Variants in UNC80 observed in about 807,000 individuals in gnomAD.
UNC80 encodes the protein protein unc-80 homolog.
In UNC80, 164 loss-of-function variants were observed where a neutral mutation model predicts 384.6. The observed-to-expected ratio is 0.43, with a 90% CI of 0.38 to 0.49. The LOEUF (loss-of-function observed/expected upper bound fraction) is 0.49. Ranked by LOEUF, UNC80 falls within the 20% of genes least tolerant of loss-of-function variation. The probability of loss-of-function intolerance (pLI) is 0.00; values close to 1 mark genes in which losing one functional copy is unlikely to be tolerated. For missense variants in UNC80, 3,330 were observed against 4,143.0 expected, an observed-to-expected ratio of 0.80 and a Z score of 5.39; for synonymous variants, 1,486 against 1,527.8, an observed-to-expected ratio of 0.97 and a Z score of 0.64.
chr2:209,910,881 G>A (rs572279166), intron 29 of UNC80, among the ~76,000 whole-genome samples: 2 of 152,064 alleles, frequency 1.3e-5, no homozygotes, highest in South Asian at 4.1e-4. Flanking sequence ...TTAAAATTGT[G>A]TGCCACACAT....
intron 23 of UNC80, among the ~76,000 whole-genome samples, chr2:209,876,300 T>C (rs1411508894): frequency 6.6e-6 from 1 of 152,172 alleles, no homozygotes; most frequent in Non-Finnish European, 1.5e-5. Flanking sequence ...CCAAGGCACA[T>C]TAAACAAAGG....
intron 31 of UNC80, among the ~76,000 whole-genome samples, chr2:209,917,084 G>C (rs1281158875): frequency 6.6e-6 from 1 of 152,192 alleles, no homozygotes; most frequent in African/African-American, 2.4e-5. Flanking sequence ...TAAGCACATT[G>C]TTAGGATCTG....
chr2:209,905,292 G>A (rs1173874262), intron 29 of UNC80, among the ~76,000 whole-genome samples: 6 of 152,156 alleles, frequency 3.9e-5, no homozygotes, highest in Admixed American at 3.3e-4. Flanking sequence ...TCTGGAAATT[G>A]TGAATATCTT....
At chr2:209,803,489 T>C (rs1311516381) in intron 7 of UNC80, among the ~76,000 whole-genome samples, 5 of 152,228 alleles carry the variant, frequency 3.3e-5, no homozygotes, top group Admixed American at 6.5e-5. Flanking sequence ...TGGATATCTA[T>C]GTGTACAAAA....
intron 42 of UNC80, among the ~76,000 whole-genome samples, chr2:209,938,584 T>C: frequency 6.6e-6 from 1 of 151,788 alleles, no homozygotes; most frequent in East Asian, 1.9e-4. Flanking sequence ...TATAAACAAT[T>C]CCTAAAACAA....
intron 61 of UNC80, among the ~76,000 whole-genome samples, chr2:209,986,057 A>G (rs1209476211): frequency 6.6e-6 from 1 of 152,218 alleles, no homozygotes; most frequent in African/African-American, 2.4e-5. Flanking sequence ...TGCAGAATGC[A>G]GACTTAATTC....
chr2:209,803,209 G>T (rs1447374406), intron 7 of UNC80, among the ~76,000 whole-genome samples: 3 of 152,146 alleles, frequency 2.0e-5, no homozygotes, highest in African/African-American at 7.2e-5. Flanking sequence ...GCACTCAAGA[G>T]AAGATGATAA....
At chr2:209,781,803 T>C (rs1011821493) in intron 4 of UNC80, among the ~76,000 whole-genome samples, 1 of 152,208 alleles carries the variant, frequency 6.6e-6, no homozygotes, top group Non-Finnish European at 1.5e-5. Context: ...TATCTTTGCC[T>C]CTAGAACAAA....
intron 25 of UNC80, among the ~76,000 whole-genome samples, chr2:209,884,127 G>A (rs1167151379): frequency 1.3e-5 from 2 of 152,126 alleles, no homozygotes; most frequent in Non-Finnish European, 2.9e-5. Context: ...GTCTAAAACA[G>A]CATAAGCAAA....
intron 51 of UNC80, among the ~76,000 whole-genome samples, chr2:209,966,057 A>G (rs1403319778): frequency 6.6e-6 from 1 of 152,064 alleles, no homozygotes; most frequent in Non-Finnish European, 1.5e-5. Context: ...ATGCATTCCT[A>G]GGTAACATTA....
chr2:209,931,097 G>A, intron 38 of UNC80, 43 bp downstream of exon 38: 6 of 1,391,794 alleles, frequency 4.3e-6, no homozygotes, highest in Non-Finnish European at 5.9e-6. Context: ...GCAGCACCAT[G>A]ATGAAAAGGT....
chr2:209,772,419 G>A (rs2076626453), intron 1 of UNC80, among the ~76,000 whole-genome samples: 1 of 152,032 alleles, frequency 6.6e-6, no homozygotes, highest in Non-Finnish European at 1.5e-5. Context: ...TATTTTAGGG[G>A]GTGGGAGGGC....
intron 25 of UNC80, among the ~76,000 whole-genome samples, chr2:209,882,471 A>T (rs938293978): frequency 6.6e-6 from 1 of 152,232 alleles, no homozygotes; most frequent in African/African-American, 2.4e-5. Flanking sequence ...AGAAATATTT[A>T]TGAGTAAACT....
intron 4 of UNC80, among the ~76,000 whole-genome samples, chr2:209,782,656 T>C (rs2077215314): frequency 6.6e-6 from 1 of 152,158 alleles, no homozygotes; most frequent in South Asian, 2.1e-4. Flanking sequence ...GTTCACTAAT[T>C]TGTAAATAAA....
intron 62 of UNC80, among the ~76,000 whole-genome samples, chr2:209,992,460 T>C (rs978653557): frequency 3.9e-5 from 6 of 152,066 alleles, no homozygotes; most frequent in Non-Finnish European, 7.4e-5. Context: ...ACTAACTAAA[T>C]AAATAAAACA....
In UNC80 at chr2:209,960,632, A is replaced by G. The variant is rs575807111; in HGVS notation, c.7805+925A>G. ...GGTTATTGCCTTTTTTTAAATTTAG[A>G]AAGTACTAAATGGAGGAAAATGAGA... On this transcript the variant is annotated intron_variant, in intron 51 of 64. Transcript: ENST00000673920. 4.8e-4 allele frequency among the ~76,000 whole-genome samples: 73 copies of G among 152,320 alleles called. 2 individuals are homozygous for G. In the South Asian group the frequency reaches 0.015, roughly 31 times the overall value.
At chr2:209,871,608 T>G (rs2084299717) in intron 22 of UNC80, among the ~76,000 whole-genome samples, 1 of 152,150 alleles carries the variant, frequency 6.6e-6, no homozygotes, top group Admixed American at 6.5e-5. Context: ...TAAATAATAT[T>G]GTGATGTATT....
chr2:209,882,938 A>G (rs2085428384), intron 25 of UNC80, among the ~76,000 whole-genome samples: 2 of 152,228 alleles, frequency 1.3e-5, no homozygotes, highest in African/African-American at 2.4e-5. Flanking sequence ...TTTGATTAAT[A>G]TAATTTGACT....
chr2:209,808,365 C>T (rs11894326), intron 7 of UNC80, among the ~76,000 whole-genome samples: 69,729 of 151,638 alleles, frequency 0.46, 16,807 homozygotes, highest in African/African-American at 0.59. Flanking sequence ...ATGTTCGAGA[C>T]CAGCCTGGCC....
Sources: gnomAD v4.1 joint callset for allele counts (sites outside exome capture counted in the v4.1 genomes callset) on GRCh38, gnomAD v4.1.1 for gene constraint, MANE v1.5 for transcripts, NCBI Gene and HGNC (gene_info 2026-07-23, HGNC 2026-07-21) for gene names.